Variants in RASEF observed in about 807,000 individuals in gnomAD.
RASEF encodes ras and EF-hand domain-containing protein.
RASEF carries 68 observed loss-of-function variants against 90.1 expected under a neutral mutation model. That is an observed-to-expected ratio of 0.75 (90% CI 0.62 to 0.92). The LOEUF (loss-of-function observed/expected upper bound fraction) is 0.92. Ranked by LOEUF, RASEF falls within the 40% of genes least tolerant of loss-of-function variation. RASEF has a pLI of 0.00. For missense variants in RASEF, 949 were observed against 937.2 expected (o/e 1.01, Z -0.16); for synonymous variants, 331 against 345.2 (o/e 0.96, Z 0.46).
chr9:83,168,192 C>A, the RASEF span, among the ~76,000 whole-genome samples: 1 of 152,052 alleles, frequency 6.6e-6, no homozygotes, highest in Admixed American at 6.6e-5. Context: ...TTTATTGTAG[C>A]CAGCATAGTG....
chr9:83,097,385 C>A, the RASEF span, among the ~76,000 whole-genome samples: 1 of 152,272 alleles, frequency 6.6e-6, no homozygotes, highest in South Asian at 2.1e-4. Context: ...ATGGCAACAG[C>A]AGCCAAAATT....
At chr9:83,181,560 A>T in the RASEF span, among the ~76,000 whole-genome samples, 621 of 152,326 alleles carry the variant, frequency 4.1e-3, 3 homozygotes, top group African/African-American at 0.014. Context: ...ATCAAGAAAC[A>T]GATTTTTAAA....
chr9:83,024,828 C>G (rs931908948), intron 2 of RASEF, among the ~76,000 whole-genome samples: 1 of 152,156 alleles, frequency 6.6e-6, no homozygotes, highest in Admixed American at 6.5e-5. Context: ...AAAGAGACAG[C>G]AGAATTGAAG....
At chr9:83,195,482 T>C in the RASEF span, among the ~76,000 whole-genome samples, 1 of 152,160 alleles carries the variant, frequency 6.6e-6, no homozygotes, top group Non-Finnish European at 1.5e-5. Context: ...CAACCCATCA[T>C]TCACTCATTT....
the RASEF span, among the ~76,000 whole-genome samples, chr9:83,191,214 C>T: frequency 6.6e-6 from 1 of 152,172 alleles, no homozygotes; most frequent in African/African-American, 2.4e-5. Flanking sequence ...GAAAACCTAT[C>T]CTGGGAAGCT....
the RASEF span, among the ~76,000 whole-genome samples, chr9:83,096,016 C>T: frequency 5.3e-5 from 8 of 152,112 alleles, no homozygotes. Flanking sequence ...ATTGAGATAC[C>T]TAGAGTGTAA....
chr9:83,202,848 C>T, the RASEF span, among the ~76,000 whole-genome samples: 1 of 152,128 alleles, frequency 6.6e-6, no homozygotes, highest in Non-Finnish European at 1.5e-5. Context: ...TGAGGCACTA[C>T]ATATGTTAAA....
At chr9:83,017,848 T>C (rs73467583) in intron 3 of RASEF, among the ~76,000 whole-genome samples, 5,043 of 152,276 alleles carry the variant, frequency 0.033, 158 homozygotes, top group African/African-American at 0.078. Flanking sequence ...TAATACATCA[T>C]AACTAATTAG....
chr9:83,141,406 C>G, the RASEF span, among the ~76,000 whole-genome samples: 1 of 152,000 alleles, frequency 6.6e-6, no homozygotes, highest in South Asian at 2.1e-4. Flanking sequence ...TCATTGACAT[C>G]CTTGAGAAAA....
rs1020455266 is a variant in RASEF, at chr9:83,007,561, G to A, written c.960-56C>T. The A allele has an allele frequency of 4.4e-5, 54 of 1,227,798 alleles. 1 individual carries two copies. In the Admixed American group the frequency reaches 6.6e-4, roughly 15 times the overall value. The allele number at this position is 1,227,798 out of a possible 1,614,324, so 76.1% of individuals were successfully genotyped here. On this transcript the variant is annotated intron_variant, in intron 6 of 16. Transcript: ENST00000376447. ...AATTAGGTGTCAAGTCCTGCCTCAC[G>A]TATACCTACCCTCCCAGACCCTTTC...
intron 5 of RASEF, among the ~76,000 whole-genome samples, chr9:83,011,831 A>G (rs1476662349): frequency 6.6e-6 from 1 of 152,162 alleles, no homozygotes; most frequent in African/African-American, 2.4e-5. Flanking sequence ...TTGACCATGA[A>G]GCTGGGAACC....
At chr9:83,039,441 G>A (rs1429626667) in intron 1 of RASEF, among the ~76,000 whole-genome samples, 2 of 152,174 alleles carry the variant, frequency 1.3e-5, no homozygotes, top group East Asian at 1.9e-4. Flanking sequence ...AACTGATGTG[G>A]AGAAGGTGGA....
the RASEF span, among the ~76,000 whole-genome samples, chr9:83,133,840 T>C: frequency 6.6e-6 from 1 of 152,188 alleles, no homozygotes; most frequent in South Asian, 2.1e-4. Flanking sequence ...AATGGTGCTC[T>C]TACTGAGCTC....
chr9:83,058,911 C>T (rs905672334), intron 1 of RASEF, among the ~76,000 whole-genome samples: 5 of 152,120 alleles, frequency 3.3e-5, no homozygotes, highest in African/African-American at 7.2e-5. Flanking sequence ...AAACAGCTAA[C>T]GGTGCTGATT....
At chr9:83,090,550 T>C in the RASEF span, among the ~76,000 whole-genome samples, 1 of 151,966 alleles carries the variant, frequency 6.6e-6, no homozygotes, top group East Asian at 1.9e-4. Context: ...ATTACAGGCA[T>C]ATGCCACCAC....
the RASEF span, among the ~76,000 whole-genome samples, chr9:83,178,489 A>G: frequency 2.0e-5 from 3 of 151,992 alleles, no homozygotes; most frequent in African/African-American, 7.2e-5. Context: ...TTCTCTTGGT[A>G]CTCAAGATGC....
the RASEF span, among the ~76,000 whole-genome samples, chr9:83,197,927 A>G: frequency 5.4e-3 from 817 of 152,342 alleles, 4 homozygotes; most frequent in African/African-American, 0.019. Flanking sequence ...CAGCAGTAAA[A>G]GCACAAGGAA....
intron 5 of RASEF, among the ~76,000 whole-genome samples, chr9:83,011,577 CT>C (rs1829247398): frequency 2.8e-5 from 2 of 70,972 alleles, no homozygotes; most frequent in African/African-American, 1.1e-4. Flanking sequence ...AAAAAAAAAA[CT>C]GAAATTTTAT....
chr9:83,163,688 C>T, the RASEF span, among the ~76,000 whole-genome samples: 2 of 151,778 alleles, frequency 1.3e-5, no homozygotes, highest in African/African-American at 2.4e-5. Context: ...AGAAAACATA[C>T]CAAAAACAAA....
Sources: allele counts gnomAD v4.1 joint callset (sites outside exome capture counted in the v4.1 genomes callset), GRCh38; gene constraint gnomAD v4.1.1; transcripts MANE v1.5; gene names NCBI Gene and HGNC (gene_info 2026-07-23, HGNC 2026-07-21).